ASXL3: variants seen among roughly 807,000 people sequenced by gnomAD.
ASXL3 encodes putative Polycomb group protein ASXL3.
ASXL3 carries 34 observed loss-of-function variants against 170.6 expected under a neutral mutation model. The ratio of observed to expected loss-of-function variants is 0.20; its 90% CI spans 0.15 to 0.27. ASXL3 has a LOEUF of 0.27. Ranked by LOEUF, ASXL3 falls within the 10% of genes least tolerant of loss-of-function variation. The probability of loss-of-function intolerance (pLI) is 1.00; values close to 1 mark genes in which losing one functional copy is unlikely to be tolerated. For synonymous variants in ASXL3, 1,002 were observed against 989.1 expected, an observed-to-expected ratio of 1.01 and a Z score of -0.24; for missense variants, 2,592 against 2,695.3, an observed-to-expected ratio of 0.96 and a Z score of 0.85.
rs1599580369 is a variant in ASXL3, at chr18:33,746,613, CA to C, written c.*19del. Reference sequence around the variant, plus strand: ...TACGATAAGAGCTGAGTGAAAGATGCAGTATCCCTTTTCCACACGGAAAAGC... The same window carrying C: ...TACGATAAGAGCTGAGTGAAAGATGCGTATCCCTTTTCCACACGGAAAAGC... On this transcript the variant is annotated 3_prime_UTR_variant, in exon 12 of 12. Transcript: ENST00000269197. 1.9e-6 allele frequency: 3 copies of C among 1,547,082 alleles called. No individual in the cohort carries two copies. The East Asian group carries it at 6.8e-5, about 35-fold the overall frequency.
chr18:33,697,521 A>G (rs1293111484), intron 8 of ASXL3, among the ~76,000 whole-genome samples: 1 of 152,124 alleles, frequency 6.6e-6, no homozygotes, highest in Non-Finnish European at 1.5e-5. Flanking sequence ...ATGATATCTT[A>G]GGCAGAACCA....
chr18:33,654,330 A>G (rs2066048404), intron 4 of ASXL3, among the ~76,000 whole-genome samples: 1 of 152,042 alleles, frequency 6.6e-6, no homozygotes, highest in African/African-American at 2.4e-5. Context: ...TGATTTATAT[A>G]ATCTGTGACT....
chr18:33,688,508 A>G (rs1033217657), intron 8 of ASXL3, among the ~76,000 whole-genome samples: 1 of 152,200 alleles, frequency 6.6e-6, no homozygotes, highest in Non-Finnish European at 1.5e-5. Flanking sequence ...TGTGTCTGCT[A>G]TGGGATTTGA....
intron 2 of ASXL3, among the ~76,000 whole-genome samples, chr18:33,608,041 T>A (rs1429319143): frequency 8.6e-5 from 13 of 152,010 alleles, no homozygotes; most frequent in Non-Finnish European, 7.4e-5. Flanking sequence ...GATATAAAGA[T>A]GAGCTCACTT....
rs372752273 is a variant in ASXL3 at position 33,645,082 on chromosome 18, T to C, written c.246+80T>C. 30 of 914,868 alleles carry C rather than the reference T, an allele frequency of 3.3e-5. No individual in the cohort carries two copies. In the African/African-American group the frequency reaches 4.5e-4, roughly 14 times the overall value. 56.7% of individuals were successfully genotyped at this position (914,868 alleles called of 1,614,324 possible). On this transcript the variant is annotated intron_variant, in intron 3 of 11. Transcript: ENST00000269197. ...CATGTGAAGGTAAACAAAATTAGAT[T>C]TGAAGAGTAGAAGAATGACTCCTAT...
chr18:33,687,131 A>G (rs777372404), intron 8 of ASXL3, among the ~76,000 whole-genome samples: 5 of 152,222 alleles, frequency 3.3e-5, no homozygotes, highest in Non-Finnish European at 5.9e-5. Context: ...TTTCTAGAGT[A>G]ACTTAAGAAA....
At chr18:33,684,226 C>T (rs2066556918) in intron 8 of ASXL3, among the ~76,000 whole-genome samples, 1 of 152,054 alleles carries the variant, frequency 6.6e-6, no homozygotes, top group Non-Finnish European at 1.5e-5. Context: ...TTAAATTTCA[C>T]AAAATTTATT....
intron 8 of ASXL3, among the ~76,000 whole-genome samples, chr18:33,729,249 G>C (rs1034593852): frequency 4.6e-5 from 7 of 152,298 alleles, no homozygotes; most frequent in Admixed American, 6.5e-5. Flanking sequence ...TGTGTAGAAT[G>C]AGCCACAGAA....
rs139696328 is a variant in ASXL3, at chr18:33,739,093, T to G, written c.1689T>G (p.Thr563=). ...ACACAGAACATAAGGAGTCAGAAAC[T>G]GCAGTAGAGACCAGTACCCCCAAAA... ...VSDTEHKESE[T]AVETSTPKIK... is the part of the protein sequence containing the mutation. Residue 563 remains threonine, a synonymous_variant, in exon 11 of 12, where the codon ACT becomes ACG. Coordinates refer to ENST00000269197, the MANE Select transcript of ASXL3 (RefSeq NM_030632.3). 1.1e-5 allele frequency: 17 copies of G among 1,613,438 alleles called. No individual in the cohort carries two copies. The highest frequency in any genetic ancestry group is 1.4e-5 in the Non-Finnish European group (16 of 1,179,656).
At chr18:33,666,893 C>T (rs570766163) in intron 5 of ASXL3, among the ~76,000 whole-genome samples, 9 of 152,130 alleles carry the variant, frequency 5.9e-5, no homozygotes, top group Admixed American at 1.3e-4. Flanking sequence ...GGCTACACGT[C>T]GTACAGTGGG....
At position 33,661,623 on chromosome 18, in the gene ASXL3, G is replaced by A. The variant is rs1170626855; in HGVS notation, c.363G>A (p.Ser121=). The A allele has an allele frequency of 4.3e-6, 7 of 1,609,398 alleles. No individual in the cohort carries two copies. The East Asian group carries it at 1.1e-4, about 26-fold the overall frequency. The part of the protein sequence containing the change: ...NAHGEENGVC[S]KQVTDEASST... ...ATCTCTCTCTGTTTCTAGTTTGTTC[G>A]AAGCAGGTAACTGATGAAGCATCTT... is the stretch of plus-strand genomic sequence containing the variant. Residue 121 remains serine (S), a synonymous_variant, in exon 5 of 12, where the codon TCG becomes TCA. Transcript: ENST00000269197.
intron 7 of ASXL3, among the ~76,000 whole-genome samples, chr18:33,680,587 A>G (rs1397900995): frequency 6.6e-6 from 1 of 151,960 alleles, no homozygotes; most frequent in African/African-American, 2.4e-5. Flanking sequence ...TGTGATGTCA[A>G]TTTCTTTTTT....
chr18:33,663,590 C>T (rs1350287014), intron 5 of ASXL3, among the ~76,000 whole-genome samples: 2 of 152,052 alleles, frequency 1.3e-5, no homozygotes, highest in African/African-American at 2.4e-5. Context: ...GTCCTGAAAG[C>T]TTCTTAATGT....
At chr18:33,727,906 T>C (rs2067376871) in intron 8 of ASXL3, among the ~76,000 whole-genome samples, 1 of 152,174 alleles carries the variant, frequency 6.6e-6, no homozygotes, top group South Asian at 2.1e-4. Context: ...GTTAAAATTA[T>C]TTTTCTGTTT....
intron 6 of ASXL3, 41 bp from the exon 7 acceptor site, chr18:33,671,706 G>A: frequency 6.5e-7 from 1 of 1,532,188 alleles, no homozygotes; most frequent in Non-Finnish European, 8.8e-7. Context: ...TTCAAGGACA[G>A]CTAGAGAAGA....
chr18:33,711,172 G>C (rs1753643687), intron 8 of ASXL3, among the ~76,000 whole-genome samples: 1 of 152,020 alleles, frequency 6.6e-6, no homozygotes, highest in African/African-American at 2.4e-5. Context: ...ATCTTCCATT[G>C]TAAACAGATG....
chr18:33,730,574 T>C (rs1360586913), intron 8 of ASXL3, among the ~76,000 whole-genome samples: 2 of 152,198 alleles, frequency 1.3e-5, no homozygotes, highest in African/African-American at 4.8e-5. Context: ...CATTCATTCA[T>C]ATATCAGGGC....
At chr18:33,644,014 A>G (rs887371280) in intron 2 of ASXL3, among the ~76,000 whole-genome samples, 5 of 151,924 alleles carry the variant, frequency 3.3e-5, no homozygotes, top group Non-Finnish European at 5.9e-5. Context: ...GCTTCTAAAT[A>G]TTAGTTTGCA....
intron 2 of ASXL3, among the ~76,000 whole-genome samples, chr18:33,631,368 A>T (rs2065674170): frequency 6.6e-6 from 1 of 152,072 alleles, no homozygotes; most frequent in African/African-American, 2.4e-5. Context: ...TTTTTAGTTC[A>T]CCTAATAAAT....
Sources: gnomAD v4.1 joint callset for allele counts (sites outside exome capture counted in the v4.1 genomes callset) on GRCh38, gnomAD v4.1.1 for gene constraint, MANE v1.5 for transcripts, NCBI Gene and HGNC (gene_info 2026-07-23, HGNC 2026-07-21) for gene names.